FGF14: variants seen among roughly 807,000 people sequenced by gnomAD.
FGF14 encodes fibroblast growth factor homologous factor 4.
FGF14 carries 5 observed loss-of-function variants against 25.5 expected under a neutral mutation model. The ratio of observed to expected loss-of-function variants is 0.20; its 90% CI spans 0.10 to 0.41. The LOEUF (loss-of-function observed/expected upper bound fraction) is 0.41. Ranked by LOEUF, FGF14 falls within the 10% of genes least tolerant of loss-of-function variation. The pLI is 1.00. For synonymous variants in FGF14, 138 were observed against 118.3 expected, an observed-to-expected ratio of 1.17 and a Z score of -1.08; for missense variants, 222 against 320.1, an observed-to-expected ratio of 0.69 and a Z score of 2.34.
At chr13:102,314,619 C>T (rs928255560) in intron 1 of FGF14, among the ~76,000 whole-genome samples, 1 of 152,108 alleles carries the variant, frequency 6.6e-6, no homozygotes, top group African/African-American at 2.4e-5. Context: ...TCATAGTAAA[C>T]ACTCAGAAAA....
intron 1 of FGF14, among the ~76,000 whole-genome samples, chr13:101,944,046 C>T (rs2139339276): frequency 6.7e-6 from 1 of 149,820 alleles, no homozygotes; most frequent in South Asian, 2.1e-4. Flanking sequence ...AACAAAACCA[C>T]TTTCAGCAGA....
chr13:101,883,769 A>G (rs1305492875), intron 1 of FGF14, among the ~76,000 whole-genome samples: 4 of 152,056 alleles, frequency 2.6e-5, no homozygotes, highest in African/African-American at 9.7e-5. Context: ...CACTTTAAAG[A>G]TAAGAAAATG....
upstream of FGF14, among the ~76,000 whole-genome samples, chr13:101,918,718 T>G (rs571439243): frequency 5.9e-5 from 9 of 152,316 alleles, no homozygotes; most frequent in Non-Finnish European, 1.2e-4. Flanking sequence ...TTACCTTCAC[T>G]CCACATTTAC....
intron 1 of FGF14, among the ~76,000 whole-genome samples, chr13:102,006,340 G>A (rs1004158597): frequency 6.6e-6 from 1 of 152,138 alleles, no homozygotes; most frequent in African/African-American, 2.4e-5. Context: ...ATGAAGAACA[G>A]CAGGTGTTAC....
intron 1 of FGF14, among the ~76,000 whole-genome samples, chr13:102,174,902 C>A (rs1342035972): frequency 6.6e-6 from 1 of 151,848 alleles, no homozygotes; most frequent in Non-Finnish European, 1.5e-5. Flanking sequence ...TGTGCATGTA[C>A]TGCCAGTATC....
chr13:101,722,280 C>G lies in FGF14; in HGVS notation c.*551G>C, dbSNP rs1320847064. ...TCCTGATTCCCTGATTGCTCTCCGA[C>G]CTAAGCCAACTGCAACATTTAAGAT... On this transcript the variant is annotated 3_prime_UTR_variant, in exon 5 of 5. Transcript: ENST00000376143. 4 of 184,868 alleles carry G rather than the reference C, an allele frequency of 2.2e-5. No homozygotes were observed. The highest frequency in any genetic ancestry group is 7.2e-5 in the African/African-American group (3 of 41,794). The allele number at this position is 184,868 out of a possible 1,614,324, so 11.5% of individuals were successfully genotyped here. A position where few individuals can be genotyped will look rare whatever the true frequency, so the allele number is the denominator to read the frequency against.
chr13:101,869,427 G>A (rs1485104914), intron 2 of FGF14, among the ~76,000 whole-genome samples: 1 of 152,086 alleles, frequency 6.6e-6, no homozygotes, highest in Non-Finnish European at 1.5e-5. Flanking sequence ...TCCATGTTTT[G>A]TTTCTTCTCT....
chr13:101,729,198 T>C (rs1377011892), intron 3 of FGF14, among the ~76,000 whole-genome samples: 1 of 152,124 alleles, frequency 6.6e-6, no homozygotes, highest in African/African-American at 2.4e-5. Flanking sequence ...CTTGTGATAG[T>C]GGAGACTGGT....
intron 1 of FGF14, among the ~76,000 whole-genome samples, chr13:102,087,293 G>A (rs1410878128): frequency 1.3e-5 from 2 of 151,904 alleles, no homozygotes; most frequent in Non-Finnish European, 2.9e-5. Context: ...AAGCATCAGG[G>A]AAGGAAGAAA....
intron 3 of FGF14, 119 bp downstream of exon 3, chr13:101,868,606 C>T (rs2044864868): frequency 2.6e-6 from 2 of 772,652 alleles, no homozygotes; most frequent in Non-Finnish European, 4.8e-6. Context: ...TCGCAAAGAT[C>T]AAATACTAAG....
intron 1 of FGF14, among the ~76,000 whole-genome samples, chr13:102,120,410 A>C (rs558367477): frequency 8.5e-4 from 130 of 152,322 alleles, no homozygotes; most frequent in African/African-American, 3.1e-3. Flanking sequence ...GTGTTAAATG[A>C]GGAGAGCTAT....
intron 1 of FGF14, among the ~76,000 whole-genome samples, chr13:102,101,114 A>G (rs970633794): frequency 2.6e-5 from 4 of 151,668 alleles, no homozygotes; most frequent in African/African-American, 9.7e-5. Flanking sequence ...ACCCCAGGAA[A>G]AAAAAAAAAA....
intron 1 of FGF14, among the ~76,000 whole-genome samples, chr13:102,226,924 T>C (rs959107979): frequency 6.6e-6 from 1 of 152,136 alleles, no homozygotes; most frequent in Non-Finnish European, 1.5e-5. Context: ...AAATGGTTAA[T>C]GGTACCAATT....
chr13:102,001,959 C>A (rs889464942), intron 1 of FGF14, among the ~76,000 whole-genome samples: 2 of 152,288 alleles, frequency 1.3e-5, no homozygotes, highest in African/African-American at 4.8e-5. Context: ...CCATCCCTGG[C>A]TGGTGCTACA....
At chr13:102,015,312 G>A (rs528238606) in intron 1 of FGF14, among the ~76,000 whole-genome samples, 7 of 152,232 alleles carry the variant, frequency 4.6e-5, no homozygotes, top group South Asian at 2.1e-4. Flanking sequence ...CTCTGCTTTC[G>A]TATCACCAAA....
At chr13:102,202,906 G>T (rs1454505889) in intron 1 of FGF14, among the ~76,000 whole-genome samples, 1 of 152,196 alleles carries the variant, frequency 6.6e-6, no homozygotes, top group African/African-American at 2.4e-5. Context: ...AAGAAATGGA[G>T]AATGGGCAAA....
At chr13:102,033,675 G>GGA (rs1239058561) in intron 1 of FGF14, among the ~76,000 whole-genome samples, 1 of 152,268 alleles carries the variant, frequency 6.6e-6, no homozygotes, top group East Asian at 1.9e-4. Context: ...AGAAAAGAGA[G>GGA]GAGAGCCTGG....
chr13:102,298,551 G>T (rs1485992148), intron 1 of FGF14, among the ~76,000 whole-genome samples: 1 of 152,096 alleles, frequency 6.6e-6, no homozygotes, highest in African/African-American at 2.4e-5. Context: ...GTATTTTACA[G>T]TATGTCTTTT....
At chr13:101,800,118 G>A (rs2040787955) in intron 3 of FGF14, among the ~76,000 whole-genome samples, 1 of 152,094 alleles carries the variant, frequency 6.6e-6, no homozygotes, top group Admixed American at 6.6e-5. Context: ...CAGACAGAAA[G>A]AGTGTCTCGA....
Sources: allele counts gnomAD v4.1 joint callset (sites outside exome capture counted in the v4.1 genomes callset), GRCh38; gene constraint gnomAD v4.1.1; transcripts MANE v1.5; gene names NCBI Gene and HGNC (gene_info 2026-07-23, HGNC 2026-07-21).